LRFN5: variants seen among roughly 807,000 people sequenced by gnomAD.
LRFN5 encodes the protein leucine rich repeat and fibronectin type III domain containing 5.
In LRFN5, 24 loss-of-function variants were observed where a neutral mutation model predicts 45.6. The observed-to-expected ratio is 0.53, with a 90% CI of 0.38 to 0.74. The LOEUF (loss-of-function observed/expected upper bound fraction) is 0.74, where lower values mean the gene tolerates loss of function less well. Ranked by LOEUF, LRFN5 falls within the 30% of genes least tolerant of loss-of-function variation. The pLI, the probability that LRFN5 is intolerant of heterozygous loss-of-function variation, is 0.00. For synonymous variants in LRFN5, 340 were observed against 313.8 expected, an observed-to-expected ratio of 1.08 and a Z score of -0.88; for missense variants, 776 against 861.5, an observed-to-expected ratio of 0.90 and a Z score of 1.24.
Position 41,606,969 on chromosome 14 carries a change from G to C in LRFN5, c.-1790G>C, listed in dbSNP as rs1281343396. Among the ~76,000 whole-genome samples the C allele has an allele frequency of 1.3e-5, 2 of 151,978 alleles. No individual in the cohort carries two copies. Among genetic ancestry groups the C allele is most frequent in the East Asian group, 1.9e-4 (1 of 5,144 alleles). On this transcript the variant is annotated 5_prime_UTR_variant, in exon 1 of 6. Coordinates refer to ENST00000298119, the MANE Select transcript of LRFN5 (RefSeq NM_152447.5). The stretch of plus-strand genomic sequence containing the variant: ...CACACGCGACGCTTTGGGAAGCCCA[G>C]CTCCCGGGTCCGCCCCGGCCGCGGC...
chr14:41,806,430 A>G (rs1887527699), intron 2 of LRFN5, among the ~76,000 whole-genome samples: 1 of 152,170 alleles, frequency 6.6e-6, no homozygotes, highest in Non-Finnish European at 1.5e-5. Context: ...GTACTTTACC[A>G]TTAGAGAAAA....
chr14:41,789,419 CTGA>C (rs1886840430), intron 2 of LRFN5, among the ~76,000 whole-genome samples: 1 of 151,980 alleles, frequency 6.6e-6, no homozygotes. Context: ...TTCCTCCTCT[CTGA>C]TATCGCTTGA....
At chr14:41,611,762 A>T (rs1366786710) in intron 1 of LRFN5, among the ~76,000 whole-genome samples, 1 of 152,132 alleles carries the variant, frequency 6.6e-6, no homozygotes, top group Non-Finnish European at 1.5e-5. Context: ...GAAATATGAG[A>T]TTCCTGTGCT....
At chr14:41,652,368 A>G (rs1259633916) in intron 1 of LRFN5, among the ~76,000 whole-genome samples, 5 of 152,134 alleles carry the variant, frequency 3.3e-5, no homozygotes, top group African/African-American at 9.6e-5. Context: ...TGTTAAATCA[A>G]TAAGTCAGTT....
At chr14:41,709,737 A>C (rs1594635555) in intron 1 of LRFN5, among the ~76,000 whole-genome samples, 1 of 151,816 alleles carries the variant, frequency 6.6e-6, no homozygotes, top group Non-Finnish European at 1.5e-5. Context: ...CCAAAATAGC[A>C]TAATAGGAAA....
At chr14:41,703,980 C>T (rs1466986622) in intron 1 of LRFN5, among the ~76,000 whole-genome samples, 2 of 152,082 alleles carry the variant, frequency 1.3e-5, no homozygotes, top group Non-Finnish European at 2.9e-5. Context: ...TCACTCCGAT[C>T]TAGGTAGCTC....
At chr14:41,707,645 C>G (rs1883120841) in intron 1 of LRFN5, among the ~76,000 whole-genome samples, 1 of 152,016 alleles carries the variant, frequency 6.6e-6, no homozygotes. Context: ...TTCTGTTATT[C>G]TGTCAGTACA....
At chr14:41,872,409 T>A (rs1481819673) in intron 2 of LRFN5, among the ~76,000 whole-genome samples, 2 of 152,214 alleles carry the variant, frequency 1.3e-5, no homozygotes, top group Non-Finnish European at 2.9e-5. Context: ...ATTTGATGCT[T>A]TAATGATTTA....
chr14:41,664,201 A>G (rs1365201021), intron 1 of LRFN5, among the ~76,000 whole-genome samples: 1 of 152,092 alleles, frequency 6.6e-6, no homozygotes, highest in African/African-American at 2.4e-5. Flanking sequence ...GGAAGTTGCT[A>G]AATTTTATGA....
intron 1 of LRFN5, among the ~76,000 whole-genome samples, chr14:41,724,934 A>G (rs975786722): frequency 2.0e-5 from 3 of 152,082 alleles, no homozygotes; most frequent in Non-Finnish European, 4.4e-5. Flanking sequence ...GAAGGACTAT[A>G]TTCCCTTATT....
chr14:41,718,816 G>T (rs539884681), intron 1 of LRFN5, among the ~76,000 whole-genome samples: 1 of 152,180 alleles, frequency 6.6e-6, no homozygotes, highest in East Asian at 1.9e-4. Flanking sequence ...ACATTAAACT[G>T]GTGATAGGTA....
At chr14:41,716,442 G>A (rs1245712538) in intron 1 of LRFN5, among the ~76,000 whole-genome samples, 3 of 152,094 alleles carry the variant, frequency 2.0e-5, no homozygotes, top group African/African-American at 7.2e-5. Flanking sequence ...TCAGTGCTTT[G>A]CTGCTTAGAA....
In LRFN5 at chr14:41,861,506, G is replaced by T. The variant is rs186819083; in HGVS notation, c.-20-25100G>T. On this transcript the variant is annotated intron_variant, in intron 2 of 5. Coordinates refer to ENST00000298119, the MANE Select transcript of LRFN5 (RefSeq NM_152447.5). ...CACTTTAAGCATCCCGGTTTTAAAA[G>T]CTTCATTTTAGCAAATATTATGCTG... is the stretch of plus-strand genomic sequence containing the variant. 4.1e-3 allele frequency among the ~76,000 whole-genome samples: 625 copies of T among 152,206 alleles called. 7 individuals carry two copies. The highest frequency in any genetic ancestry group is 0.015 in the African/African-American group (608 of 41,528).
At chr14:41,809,325 C>T (rs1304672871) in intron 2 of LRFN5, among the ~76,000 whole-genome samples, 1 of 151,908 alleles carries the variant, frequency 6.6e-6, no homozygotes, top group East Asian at 1.9e-4. Flanking sequence ...TTTAAAATAA[C>T]ATAATTGATT....
rs1884447732 is a variant in LRFN5, at chr14:41,736,685, CA to C, written c.-196-30168del. On this transcript the variant is annotated intron_variant, in intron 1 of 5. Transcript: ENST00000298119. ...AAAGGGGACATCACCATTGATCCCA[CA>C]GAAATACAAACTGCCATCAGAGAAT... Among the ~76,000 whole-genome samples the C allele has an allele frequency of 2.6e-5, 4 of 152,124 alleles. No homozygotes were observed. The South Asian group carries it at 8.3e-4, about 32-fold the overall frequency.
intron 2 of LRFN5, among the ~76,000 whole-genome samples, chr14:41,856,958 C>G (rs1011035471): frequency 6.6e-6 from 1 of 151,842 alleles, no homozygotes; most frequent in Admixed American, 6.6e-5. Context: ...GCCACCGCGT[C>G]CGGCCTCTTT....
intron 1 of LRFN5, among the ~76,000 whole-genome samples, chr14:41,687,565 T>C (rs148565552): frequency 0.016 from 2,510 of 152,276 alleles, 40 homozygotes; most frequent in Middle Eastern, 0.044. Flanking sequence ...TTATTTACAA[T>C]AGCGAAGATA....
chr14:41,832,172 G>T (rs1415226051), intron 2 of LRFN5, among the ~76,000 whole-genome samples: 4 of 152,092 alleles, frequency 2.6e-5, no homozygotes, highest in African/African-American at 9.7e-5. Flanking sequence ...AAGCATCTCA[G>T]CTAGTCAGGG....
intron 1 of LRFN5, among the ~76,000 whole-genome samples, chr14:41,754,772 T>C (rs1444919851): frequency 6.6e-6 from 1 of 152,226 alleles, no homozygotes; most frequent in Non-Finnish European, 1.5e-5. Flanking sequence ...CCTTCAGTTC[T>C]GCTCTGATCT....
Sources: gnomAD v4.1 joint callset for allele counts (sites outside exome capture counted in the v4.1 genomes callset) on GRCh38, gnomAD v4.1.1 for gene constraint, MANE v1.5 for transcripts, NCBI Gene and HGNC (gene_info 2026-07-23, HGNC 2026-07-21) for gene names.